Variants in PLCXD3 observed in about 807,000 individuals in gnomAD.
PLCXD3 encodes the protein phosphatidylinositol specific phospholipase C X domain containing 3.
Under a neutral mutation model 25.5 loss-of-function variants are expected in PLCXD3, and 19 were observed. That is an observed-to-expected ratio of 0.75 (90% confidence interval 0.52 to 1.09). The LOEUF is 1.09. PLCXD3 is among the 50% of genes least tolerant of loss of function. The probability of loss-of-function intolerance (pLI) is 0.00; values close to 1 mark genes in which losing one functional copy is unlikely to be tolerated. For synonymous variants in PLCXD3, 174 were observed against 137.6 expected (o/e 1.26, Z -1.85); for missense variants, 411 against 388.1 (o/e 1.06, Z -0.50).
intron 2 of PLCXD3, among the ~76,000 whole-genome samples, chr5:41,326,702 C>A (rs1743637553): frequency 1.3e-5 from 2 of 152,098 alleles, no homozygotes; most frequent in Admixed American, 1.3e-4. Flanking sequence ...GAGTGAAGAT[C>A]CTTTTTCTTT....
intron 2 of PLCXD3, among the ~76,000 whole-genome samples, chr5:41,364,953 C>A (rs1228902170): frequency 1.3e-5 from 2 of 152,210 alleles, no homozygotes; most frequent in Non-Finnish European, 2.9e-5. Context: ...ACGTAACATG[C>A]ATTTAGCAAA....
intron 1 of PLCXD3, among the ~76,000 whole-genome samples, chr5:41,510,042 G>GT (rs1268464014): frequency 1.3e-5 from 2 of 152,130 alleles, no homozygotes; most frequent in Non-Finnish European, 2.9e-5. Context: ...ACTAGCTCGC[G>GT]TTCTTCACAC....
chr5:41,409,183 A>G (rs529002701), intron 1 of PLCXD3, among the ~76,000 whole-genome samples: 1 of 152,164 alleles, frequency 6.6e-6, no homozygotes, highest in Non-Finnish European at 1.5e-5. Flanking sequence ...TTTGTACAGG[A>G]AACTGTCTAG....
chr5:41,387,675 T>G (rs1370048419), intron 1 of PLCXD3, among the ~76,000 whole-genome samples: 1 of 152,144 alleles, frequency 6.6e-6, no homozygotes, highest in Non-Finnish European at 1.5e-5. Flanking sequence ...AAATGTTTTC[T>G]TCAAGTAAAA....
intron 2 of PLCXD3, among the ~76,000 whole-genome samples, chr5:41,355,585 A>G (rs937922552): frequency 6.6e-6 from 1 of 152,190 alleles, no homozygotes; most frequent in African/African-American, 2.4e-5. Context: ...GAGGACCTCA[A>G]TATCAGCTAG....
At chr5:41,420,477 T>C (rs1186194102) in intron 1 of PLCXD3, among the ~76,000 whole-genome samples, 1 of 152,196 alleles carries the variant, frequency 6.6e-6, no homozygotes, top group East Asian at 1.9e-4. Context: ...AACAAGATTA[T>C]AATAATCACG....
At chr5:41,443,038 G>A (rs982315397) in intron 1 of PLCXD3, among the ~76,000 whole-genome samples, 3 of 148,736 alleles carry the variant, frequency 2.0e-5, no homozygotes, top group African/African-American at 7.4e-5. Context: ...ATGTATTATT[G>A]TATACATATA....
chr5:41,433,414 G>T (rs1307720992), intron 1 of PLCXD3, among the ~76,000 whole-genome samples: 1 of 151,970 alleles, frequency 6.6e-6, no homozygotes, highest in Admixed American at 6.6e-5. Flanking sequence ...GGTACCTAAG[G>T]AGTGCTGAAG....
intron 1 of PLCXD3, among the ~76,000 whole-genome samples, chr5:41,489,097 G>T (rs1318562398): frequency 1.3e-5 from 2 of 152,088 alleles, no homozygotes; most frequent in African/African-American, 4.8e-5. Flanking sequence ...ACCTTGAATT[G>T]ATTTTTGTAT....
At position 41,313,716 on chromosome 5, in the gene PLCXD3, G is replaced by T. The variant is rs1289603341; in HGVS notation, c.867C>A (p.Gly289=). 1.2e-6 allele frequency: 2 copies of T among 1,613,528 alleles called. No individual in the cohort carries two copies. The highest frequency in any genetic ancestry group is 2.7e-5 in the African/African-American group (2 of 74,866). Residue 289 remains glycine (G), a synonymous_variant, in exon 3 of 3, where the codon GGC becomes GGA. Coordinates refer to ENST00000377801, the MANE Select transcript of PLCXD3 (RefSeq NM_001005473.3). ...CAAAATCGGCAGTGACAATATTGATGCCACTCTCTCCTGGCTTCTGCGTGC... is the reference window on the plus strand; with the variant it reads ...CAAAATCGGCAGTGACAATATTGATTCCACTCTCTCCTGGCTTCTGCGTGC... The part of the protein sequence containing the change: ...WVRTQKPGES[G]INIVTADFVE...
At chr5:41,371,651 T>G (rs1465369647) in intron 2 of PLCXD3, among the ~76,000 whole-genome samples, 1 of 152,164 alleles carries the variant, frequency 6.6e-6, no homozygotes, top group Non-Finnish European at 1.5e-5. Context: ...CATGGTATGT[T>G]CTCCCTTGCT....
At position 41,462,360 on chromosome 5, in the gene PLCXD3, G is replaced by T. The variant is rs565908656; in HGVS notation, c.103+48064C>A. ...TACCAACAGAAGTTTAAACGTATTTGCAACACCTGTGAGACAATCCAATGG... is the reference window on the plus strand; with the variant it reads ...TACCAACAGAAGTTTAAACGTATTTTCAACACCTGTGAGACAATCCAATGG... On this transcript the variant is annotated intron_variant, in intron 1 of 2. Coordinates refer to ENST00000377801, the MANE Select transcript of PLCXD3 (RefSeq NM_001005473.3). Among the ~76,000 whole-genome samples, 3 of 152,132 alleles carry T rather than the reference G, an allele frequency of 2.0e-5. No individual in the cohort carries two copies. In the South Asian group the frequency reaches 6.2e-4, roughly 31 times the overall value.
chr5:41,409,457 C>A (rs1272856107), intron 1 of PLCXD3, among the ~76,000 whole-genome samples: 2 of 152,176 alleles, frequency 1.3e-5, no homozygotes, highest in African/African-American at 2.4e-5. Context: ...CCTTTTCATT[C>A]AAGTCTCAGT....
chr5:41,422,124 T>C (rs1308959123), intron 1 of PLCXD3, among the ~76,000 whole-genome samples: 2 of 152,228 alleles, frequency 1.3e-5, no homozygotes, highest in Non-Finnish European at 2.9e-5. Context: ...AGAAAGTATA[T>C]ATTATTGTAA....
intron 2 of PLCXD3, among the ~76,000 whole-genome samples, chr5:41,334,064 C>T (rs929385436): frequency 1.1e-4 from 17 of 152,146 alleles, no homozygotes; most frequent in African/African-American, 2.7e-4. Context: ...CAGAAACAAG[C>T]ACAGCCTTTG....
At chr5:41,416,362 T>C (rs976474102) in intron 1 of PLCXD3, among the ~76,000 whole-genome samples, 5 of 152,246 alleles carry the variant, frequency 3.3e-5, no homozygotes, top group African/African-American at 4.8e-5. Flanking sequence ...CAAAAAATGC[T>C]TAATGAATTG....
At chr5:41,378,145 A>C (rs2150491326) in intron 2 of PLCXD3, among the ~76,000 whole-genome samples, 1 of 152,222 alleles carries the variant, frequency 6.6e-6, no homozygotes, top group East Asian at 1.9e-4. Flanking sequence ...TCACTGAATA[A>C]GTGATAAGTA....
chr5:41,338,140 C>A (rs528351745), intron 2 of PLCXD3, among the ~76,000 whole-genome samples: 2 of 152,050 alleles, frequency 1.3e-5, no homozygotes, highest in Non-Finnish European at 2.9e-5. Flanking sequence ...CTGAAAATGT[C>A]TTTAAGACAT....
rs318032 is a variant in PLCXD3 at position 41,411,116 on chromosome 5, A to G, written c.104-28582T>C. Among the ~76,000 whole-genome samples the G allele has an allele frequency of 2.5e-3, 374 of 152,340 alleles. 1 individual carries two copies. Among genetic ancestry groups the G allele is most frequent in the African/African-American group, 8.5e-3 (354 of 41,572 alleles). On this transcript the variant is annotated intron_variant, in intron 1 of 2. Coordinates refer to ENST00000377801, the MANE Select transcript of PLCXD3 (RefSeq NM_001005473.3). ...TCGATTGTGTTTTCCCTCTAAGAAG[A>G]AAACAAATACAAAACCTGGCAAATA...
Sources: allele counts gnomAD v4.1 joint callset (sites outside exome capture counted in the v4.1 genomes callset), GRCh38; gene constraint gnomAD v4.1.1; transcripts MANE v1.5; gene names NCBI Gene and HGNC (gene_info 2026-07-23, HGNC 2026-07-21).